The following CCDC178 variants were observed in gnomAD, a reference collection of about 807,000 sequenced individuals.
CCDC178 encodes the protein coiled-coil domain-containing protein 178.
A neutral mutation model predicts 117.4 loss-of-function variants in CCDC178; 126 were observed. That is an observed-to-expected ratio of 1.07 (90% CI 0.93 to 1.24). CCDC178 has a LOEUF of 1.24. Ranked by LOEUF, CCDC178 falls within the 50% of genes most tolerant of loss-of-function variation. The pLI is 0.00. For synonymous variants in CCDC178, 283 were observed against 313.4 expected, an observed-to-expected ratio of 0.90 and a Z score of 1.02; for missense variants, 1,030 against 986.9, an observed-to-expected ratio of 1.04 and a Z score of -0.59.
At chr18:33,333,712 A>T (rs1188447405) in intron 9 of CCDC178, among the ~76,000 whole-genome samples, 4 of 151,808 alleles carry the variant, frequency 2.6e-5, no homozygotes, top group African/African-American at 9.7e-5. Context: ...GGGTTTCTCC[A>T]TGTTGGTCGG....
chr18:33,349,707 C>A (rs2062945428), intron 7 of CCDC178, among the ~76,000 whole-genome samples: 1 of 151,710 alleles, frequency 6.6e-6, no homozygotes, highest in African/African-American at 2.4e-5. Flanking sequence ...CAGAGAATTT[C>A]TTTTTGAAAT....
chr18:33,132,094 A>G (rs1351650074), intron 20 of CCDC178, among the ~76,000 whole-genome samples: 2 of 151,538 alleles, frequency 1.3e-5, no homozygotes, highest in Non-Finnish European at 3.0e-5. Flanking sequence ...CCTCATCTAC[A>G]CTTTCATTGT....
intron 22 of CCDC178, among the ~76,000 whole-genome samples, chr18:32,970,402 A>G (rs796216693): frequency 1.2e-4 from 19 of 152,090 alleles, no homozygotes; most frequent in African/African-American, 4.3e-4. Flanking sequence ...AACCTTCATC[A>G]AATGATTTTT....
At chr18:32,965,703 T>C (rs1036002249) in intron 22 of CCDC178, among the ~76,000 whole-genome samples, 3 of 151,744 alleles carry the variant, frequency 2.0e-5, no homozygotes, top group Non-Finnish European at 2.9e-5. Context: ...GAGGACAACA[T>C]AGTCCTCAAC....
chr18:33,428,559 C>T (rs930866381), intron 2 of CCDC178, among the ~76,000 whole-genome samples: 1 of 151,426 alleles, frequency 6.6e-6, no homozygotes, highest in African/African-American at 2.4e-5. Context: ...TGGTGAAACC[C>T]CATCTCTACT....
At chr18:32,953,928 T>C (rs1024607729) in intron 22 of CCDC178, 1 of 152,210 alleles carries the variant, frequency 6.6e-6, no homozygotes, top group Non-Finnish European at 1.5e-5. Flanking sequence ...CTTTCACATA[T>C]ATCTCATGAC....
At chr18:32,993,992 A>G (rs1487679817) in intron 21 of CCDC178, among the ~76,000 whole-genome samples, 1 of 152,006 alleles carries the variant, frequency 6.6e-6, no homozygotes, top group Non-Finnish European at 1.5e-5. Context: ...AGAGATTACT[A>G]CTATATAGAG....
chr18:33,159,729 G>A (rs2058440927), intron 20 of CCDC178, among the ~76,000 whole-genome samples: 1 of 152,066 alleles, frequency 6.6e-6, no homozygotes, highest in South Asian at 2.1e-4. Context: ...AGGTTCTGGT[G>A]ATTAGGATGC....
intron 21 of CCDC178, among the ~76,000 whole-genome samples, chr18:32,984,611 T>C (rs1010879443): frequency 6.7e-6 from 1 of 149,674 alleles, no homozygotes; most frequent in Non-Finnish European, 1.5e-5. Flanking sequence ...AACAGTTCAA[T>C]AAGAAATAAA....
intron 7 of CCDC178, among the ~76,000 whole-genome samples, chr18:33,349,778 A>C (rs2062947083): frequency 6.6e-6 from 1 of 151,878 alleles, no homozygotes; most frequent in South Asian, 2.1e-4. Flanking sequence ...TATACATACC[A>C]AAAATCATAA....
At chr18:32,960,135 C>T (rs2054677445) in intron 22 of CCDC178, among the ~76,000 whole-genome samples, 1 of 151,894 alleles carries the variant, frequency 6.6e-6, no homozygotes, top group Non-Finnish European at 1.5e-5. Context: ...GAAATAAATG[C>T]ACTTTTATCT....
intron 20 of CCDC178, among the ~76,000 whole-genome samples, chr18:33,151,435 G>T (rs2058340282): frequency 6.6e-6 from 1 of 152,078 alleles, no homozygotes; most frequent in African/African-American, 2.4e-5. Context: ...TAAAACAAAT[G>T]CGGAAAAGCT....
intron 21 of CCDC178, among the ~76,000 whole-genome samples, chr18:32,997,522 G>A (rs2055538403): frequency 6.6e-6 from 1 of 152,056 alleles, no homozygotes; most frequent in African/African-American, 2.4e-5. Context: ...TTTTGGATTT[G>A]CCAGCCTCAG....
chr18:33,167,411 A>C (rs2058546130), intron 20 of CCDC178, among the ~76,000 whole-genome samples: 2 of 152,106 alleles, frequency 1.3e-5, no homozygotes, highest in East Asian at 3.9e-4. Flanking sequence ...TTTCTCCACA[A>C]CCTCACCAGC....
intron 20 of CCDC178, among the ~76,000 whole-genome samples, chr18:33,160,500 A>G (rs576502825): frequency 6.6e-6 from 1 of 152,264 alleles, no homozygotes. Context: ...AGATAAGTAG[A>G]ATTTTCAAAG....
At chr18:33,400,419 G>A (rs2063694938) in intron 3 of CCDC178, among the ~76,000 whole-genome samples, 1 of 152,148 alleles carries the variant, frequency 6.6e-6, no homozygotes, top group African/African-American at 2.4e-5. Context: ...TTGAAAATCT[G>A]TTGTTTAGCA....
chr18:33,418,931 T>C (rs1230431759), intron 2 of CCDC178, among the ~76,000 whole-genome samples: 1 of 152,192 alleles, frequency 6.6e-6, no homozygotes, highest in Non-Finnish European at 1.5e-5. Flanking sequence ...TACAGATTCA[T>C]TGCTATTCCT....
intron 11 of CCDC178, among the ~76,000 whole-genome samples, chr18:33,314,968 G>A (rs1216635629): frequency 6.6e-6 from 1 of 152,138 alleles, no homozygotes; most frequent in Non-Finnish European, 1.5e-5. Context: ...ATGAGCCCTA[G>A]GGCACCGAAT....
At chr18:33,263,647 A>G (rs143973975) in intron 14 of CCDC178, among the ~76,000 whole-genome samples, 4 of 152,246 alleles carry the variant, frequency 2.6e-5, no homozygotes, top group South Asian at 2.1e-4. Flanking sequence ...TATTTTCCAA[A>G]TTTCTTACCA....
Sources: allele counts gnomAD v4.1 joint callset (sites outside exome capture counted in the v4.1 genomes callset), GRCh38; gene constraint gnomAD v4.1.1; transcripts MANE v1.5; gene names NCBI Gene and HGNC (gene_info 2026-07-23, HGNC 2026-07-21).